The following OPCML variants were observed in gnomAD, a reference collection of about 807,000 sequenced individuals.
OPCML encodes the protein opioid-binding protein/cell adhesion molecule.
A neutral mutation model predicts 37.8 loss-of-function variants in OPCML; 13 were observed. That is an observed-to-expected ratio of 0.34 (90% confidence interval 0.22 to 0.55). OPCML has a LOEUF of 0.55. Among genes scored for constraint, OPCML ranks in the 20% least tolerant of loss-of-function variants. The pLI, the probability that OPCML is intolerant of heterozygous loss-of-function variation, is 0.91. For synonymous variants in OPCML, 176 were observed against 168.8 expected, an observed-to-expected ratio of 1.04 and a Z score of -0.33; for missense variants, 341 against 435.6, an observed-to-expected ratio of 0.78 and a Z score of 1.93.
intron 1 of OPCML, among the ~76,000 whole-genome samples, chr11:133,256,157 G>T (rs1941307577): frequency 6.6e-6 from 1 of 152,182 alleles, no homozygotes; most frequent in Non-Finnish European, 1.5e-5. Flanking sequence ...CTCGAGCATT[G>T]TAAGTATTTT....
In OPCML at chr11:132,485,038, T is replaced by C. The variant is rs547699702; in HGVS notation, c.505+44023A>G. On this transcript the variant is annotated intron_variant, in intron 4 of 7. Transcript: ENST00000524381. ...ACATATGTAACTAACCTGCACATTG[T>C]GCACATGTACCCTAAAACTTAAAGT... is the stretch of plus-strand genomic sequence containing the variant. 1.5e-4 allele frequency among the ~76,000 whole-genome samples: 23 copies of C among 152,146 alleles called. No homozygotes were observed. The South Asian group carries it at 4.6e-3, about 30-fold the overall frequency.
intron 1 of OPCML, among the ~76,000 whole-genome samples, chr11:133,309,721 T>A (rs73600500): frequency 6.6e-6 from 1 of 152,210 alleles, no homozygotes; most frequent in African/African-American, 2.4e-5. Context: ...GTATGGGACC[T>A]CTGAATGTTC....
At chr11:132,913,049 C>T (rs1374182029) in intron 2 of OPCML, among the ~76,000 whole-genome samples, 5 of 152,218 alleles carry the variant, frequency 3.3e-5, no homozygotes, top group Admixed American at 1.3e-4. Flanking sequence ...GAATGTTATA[C>T]ACAACCTGGC....
chr11:132,575,273 T>C (rs1242041344), intron 3 of OPCML, among the ~76,000 whole-genome samples: 3 of 152,112 alleles, frequency 2.0e-5, no homozygotes, highest in Admixed American at 2.0e-4. Context: ...GGGTTTACTA[T>C]TGCTAGTTTG....
intron 3 of OPCML, among the ~76,000 whole-genome samples, chr11:132,609,157 C>T (rs1026316748): frequency 6.6e-6 from 1 of 152,018 alleles, no homozygotes; most frequent in Non-Finnish European, 1.5e-5. Flanking sequence ...ATGCCAAACC[C>T]TTCTGTGCAT....
chr11:132,900,755 T>G (rs1382256130), intron 2 of OPCML, among the ~76,000 whole-genome samples: 1 of 152,182 alleles, frequency 6.6e-6, no homozygotes, highest in Non-Finnish European at 1.5e-5. Context: ...AGCTCCTTCA[T>G]GTCTACAGTC....
chr11:133,009,793 C>T (rs755099126), intron 1 of OPCML, among the ~76,000 whole-genome samples: 11 of 152,144 alleles, frequency 7.2e-5, no homozygotes, highest in African/African-American at 2.7e-4. Flanking sequence ...GGGGCGCAGG[C>T]GGTAATGCTC....
At chr11:132,796,306 G>A (rs1040867082) in intron 2 of OPCML, among the ~76,000 whole-genome samples, 1 of 152,138 alleles carries the variant, frequency 6.6e-6, no homozygotes, top group African/African-American at 2.4e-5. Context: ...GGTCATTTAA[G>A]TTGTCTCCAC....
chr11:132,528,979 T>C, intron 4 of OPCML, 82 bp downstream of exon 4: 2 of 746,038 alleles, frequency 2.7e-6, no homozygotes, highest in Non-Finnish European at 4.4e-6. Flanking sequence ...AAATGTTTTC[T>C]GATTCCTGAA....
chr11:132,972,853 C>T (rs116717485), intron 1 of OPCML, among the ~76,000 whole-genome samples: 2,849 of 152,234 alleles, frequency 0.019, 88 homozygotes, highest in African/African-American at 0.064. Context: ...GCTGGCTGTA[C>T]TCATTCCACA....
intron 1 of OPCML, chr11:133,301,833 G>A (rs1942787797): frequency 1.3e-5 from 2 of 152,098 alleles, no homozygotes; most frequent in Admixed American, 1.3e-4. Context: ...ATTAAAAAAA[G>A]TTAACATAAT....
chr11:132,765,365 AAGG>A (rs1218566897), intron 2 of OPCML, among the ~76,000 whole-genome samples: 1 of 152,240 alleles, frequency 6.6e-6, no homozygotes, highest in Non-Finnish European at 1.5e-5. Context: ...ACATTCCCTA[AAGG>A]AGAAGTTCTC....
chr11:133,221,520 G>A (rs1939829584), intron 1 of OPCML, among the ~76,000 whole-genome samples: 1 of 152,170 alleles, frequency 6.6e-6, no homozygotes, highest in South Asian at 2.1e-4. Flanking sequence ...TCCATGGTGG[G>A]GGGTATTCGG....
intron 2 of OPCML, among the ~76,000 whole-genome samples, chr11:132,679,824 A>G (rs1300594050): frequency 1.3e-5 from 2 of 152,226 alleles, no homozygotes; most frequent in Non-Finnish European, 2.9e-5. Context: ...ATGTTAAAAG[A>G]TATATTTGGT....
intron 3 of OPCML, among the ~76,000 whole-genome samples, chr11:132,655,680 G>A (rs745786649): frequency 7.2e-5 from 11 of 152,172 alleles, no homozygotes; most frequent in Non-Finnish European, 1.6e-4. Flanking sequence ...GAACAGCAGT[G>A]ACAGCAGACA....
At chr11:132,551,977 C>T (rs1443320776) in intron 3 of OPCML, among the ~76,000 whole-genome samples, 4 of 152,172 alleles carry the variant, frequency 2.6e-5, no homozygotes, top group Non-Finnish European at 5.9e-5. Context: ...CTGTGCTCCC[C>T]TCAATTCCGA....
intron 1 of OPCML, chr11:133,422,888 A>G: frequency 1.0e-6 from 1 of 967,206 alleles, no homozygotes; most frequent in Non-Finnish European, 1.2e-6. Context: ...CTTAGGATGA[A>G]GAATCTCATT....
intron 2 of OPCML, among the ~76,000 whole-genome samples, chr11:132,704,469 A>C (rs1943953544): frequency 6.6e-6 from 1 of 152,242 alleles, no homozygotes; most frequent in Non-Finnish European, 1.5e-5. Flanking sequence ...TTAGGTGAGA[A>C]CTAGAAGCCA....
chr11:133,499,497 C>T (rs534575481), intron 1 of OPCML, among the ~76,000 whole-genome samples: 6 of 152,126 alleles, frequency 3.9e-5, no homozygotes, highest in Middle Eastern at 3.4e-3. Flanking sequence ...CCTTTGCCAC[C>T]GTGCTCACTC....
Sources: gnomAD v4.1 joint callset for allele counts (sites outside exome capture counted in the v4.1 genomes callset) on GRCh38, gnomAD v4.1.1 for gene constraint, MANE v1.5 for transcripts, NCBI Gene and HGNC (gene_info 2026-07-23, HGNC 2026-07-21) for gene names.